E2F3: variants seen among roughly 807,000 people sequenced by gnomAD.
E2F3 encodes the protein transcription factor E2F3.
E2F3 carries 11 observed loss-of-function variants against 44.4 expected under a neutral mutation model. That is an observed-to-expected ratio of 0.25 (90% confidence interval 0.16 to 0.41). E2F3 has a LOEUF of 0.41. Ranked by LOEUF, E2F3 falls within the 10% of genes least tolerant of loss-of-function variation. E2F3 has a pLI of 1.00. For missense variants in E2F3, 487 were observed against 583.6 expected (o/e 0.83, Z 1.70); for synonymous variants, 249 against 253.0 (o/e 0.98, Z 0.15).
chr6:20,444,068 A>G (rs1760860078), intron 1 of E2F3, among the ~76,000 whole-genome samples: 2 of 152,264 alleles, frequency 1.3e-5, no homozygotes, highest in South Asian at 4.1e-4. Context: ...TTAGTCAGGC[A>G]TGGTGGTGTG....
chr6:20,462,859 CTTTTTTTTTTTTTTTTTTTTTT>C (rs780366667), intron 1 of E2F3, among the ~76,000 whole-genome samples: 3 of 48,810 alleles, frequency 6.1e-5, no homozygotes, highest in African/African-American at 2.4e-4. Context: ...CTCTCTCTCT[CTTTTTTTTTTTTTTTTTTTTTT>C]TTTTTTTTTT....
chr6:20,413,788 T>TA, intron 1 of E2F3, among the ~76,000 whole-genome samples: 1 of 152,214 alleles, frequency 6.6e-6, no homozygotes. Context: ...GCACACCATT[T>TA]AGAGTACGGG....
intron 1 of E2F3, among the ~76,000 whole-genome samples, chr6:20,479,227 A>G (rs1021538590): frequency 2.6e-5 from 4 of 152,182 alleles, no homozygotes; most frequent in African/African-American, 7.2e-5. Context: ...CGATCCAATC[A>G]CCCTTTCTCT....
chr6:20,453,601 G>A (rs546519157), intron 1 of E2F3, among the ~76,000 whole-genome samples: 9 of 152,120 alleles, frequency 5.9e-5, no homozygotes, highest in African/African-American at 7.2e-5. Context: ...TTGTGGAGAC[G>A]AGGTCTCGCT....
intron 1 of E2F3, among the ~76,000 whole-genome samples, chr6:20,463,118 T>C (rs11968701): frequency 0.02 from 2,983 of 152,118 alleles, 93 homozygotes; most frequent in African/African-American, 0.068. Flanking sequence ...GACCGGGTCT[T>C]GCTGTTGCCC....
intron 1 of E2F3, among the ~76,000 whole-genome samples, chr6:20,478,788 C>T (rs763317723): frequency 3.3e-5 from 5 of 152,036 alleles, no homozygotes; most frequent in Admixed American, 6.6e-5. Context: ...CCAGCCTGGG[C>T]GACAGAGCAA....
chr6:20,405,821 C>G (rs1463416543), intron 1 of E2F3, among the ~76,000 whole-genome samples: 1 of 151,924 alleles, frequency 6.6e-6, no homozygotes, highest in Non-Finnish European at 1.5e-5. Context: ...GATTCCGTCT[C>G]AAAAAAGGAG....
At chr6:20,403,741 C>T (rs1759391470) in intron 1 of E2F3, 7 of 1,462,724 alleles carry the variant, frequency 4.8e-6, no homozygotes, top group South Asian at 3.8e-5. Flanking sequence ...CCTGCGCCGC[C>T]GGTCTGTTCG....
intron 1 of E2F3, among the ~76,000 whole-genome samples, chr6:20,443,499 G>A (rs1184764488): frequency 1.3e-5 from 2 of 152,112 alleles, no homozygotes; most frequent in African/African-American, 4.8e-5. Flanking sequence ...CAGTGCTTTG[G>A]GAAGCTGAGG....
At position 20,402,393 on chromosome 6, in the gene E2F3, C is replaced by T; in HGVS notation, c.161C>T (p.Pro54Leu). ...FAAAAAAAAAPGAYIQILTTN... is the reference protein window; with the variant it reads ...FAAAAAAAAALGAYIQILTTN... ...GCCGCCGCCGCCGCTGCCGCCGCCC[C>T]GGGCGCGTACATCCAGATCCTCACC... is the stretch of plus-strand genomic sequence containing the variant. Residue 54 changes from proline to leucine, a missense_variant, in exon 1 of 7, where the codon CCG (proline) becomes CTG (leucine). Pro to Leu is a moderately conservative substitution (Grantham distance 98). Coordinates refer to ENST00000346618, the MANE Select transcript of E2F3 (RefSeq NM_001949.5). This position sits in a 1 kb window ranked among gnomAD's most constrained non-coding sequence, Gnocchi z 5.6. The T allele has an allele frequency of 6.2e-7, 1 of 1,610,724 alleles. No individual in the cohort carries two copies. The highest frequency in any genetic ancestry group is 1.1e-5 in the South Asian group (1 of 91,050).
In E2F3 at chr6:20,402,061, C is replaced by A. The variant is rs1002745213; in HGVS notation, c.-172C>A. 2.5e-6 allele frequency: 3 copies of A among 1,205,632 alleles called. No homozygotes were observed. The African/African-American group carries it at 4.9e-5, about 20-fold the overall frequency. 74.7% of individuals were successfully genotyped at this position (1,205,632 alleles called of 1,614,324 possible). A position where few individuals can be genotyped will look rare whatever the true frequency, so the allele number is the denominator to read the frequency against. ...CCAGAGCCCCGATTATTTTTGGCCC[C>A]CGGGGCCTGTGCGGTGCGGAAAAAT... On this transcript the variant is annotated 5_prime_UTR_variant, in exon 1 of 7. Transcript: ENST00000346618. The surrounding 1 kb of genome is among the most constrained non-coding windows in gnomAD (Gnocchi z 5.6).
At position 20,491,805 on chromosome 6, in the gene E2F3, C is replaced by CG. The variant is rs1395466372; in HGVS notation, c.*1379dup. On this transcript the variant is annotated 3_prime_UTR_variant, in exon 7 of 7. Coordinates refer to ENST00000346618, the MANE Select transcript of E2F3 (RefSeq NM_001949.5). ...AGGAATAAGTTGGACCAAGGGAAGTCGGGGACGTAAAAAATGAAGCAAAAC... is the reference window on the plus strand; with the variant it reads ...AGGAATAAGTTGGACCAAGGGAAGTCGGGGGACGTAAAAAATGAAGCAAAAC... The CG allele has an allele frequency of 5.6e-6, 1 of 179,816 alleles. No individual in the cohort carries two copies. The highest frequency in any genetic ancestry group is 1.2e-5 in the Non-Finnish European group (1 of 83,700). 11.1% of individuals were successfully genotyped at this position (179,816 alleles called of 1,614,324 possible).
At chr6:20,421,317 T>G (rs1760020552) in intron 1 of E2F3, among the ~76,000 whole-genome samples, 1 of 152,206 alleles carries the variant, frequency 6.6e-6, no homozygotes, top group Non-Finnish European at 1.5e-5. Context: ...TTCCAGAAAG[T>G]TTGTAATTTA....
chr6:20,443,451 T>C (rs9460505), intron 1 of E2F3, among the ~76,000 whole-genome samples: 14,878 of 152,210 alleles, frequency 0.098, 1,652 homozygotes, highest in African/African-American at 0.28. Flanking sequence ...ATAGAAATTA[T>C]TTGACAGGCC....
At chr6:20,442,171 T>C (rs929937851) in intron 1 of E2F3, among the ~76,000 whole-genome samples, 1 of 152,126 alleles carries the variant, frequency 6.6e-6, no homozygotes, top group Non-Finnish European at 1.5e-5. Context: ...CCAGCCTGTT[T>C]ATGAGGTGCT....
At position 20,488,143 on chromosome 6, in the gene E2F3, G is replaced by C. The variant is rs4134973; in HGVS notation, c.1030G>C (p.Gly344Arg). 12 of 1,613,988 alleles carry C rather than the reference G, an allele frequency of 7.4e-6. No individual in the cohort carries two copies. The African/African-American group carries it at 8.0e-5, about 11-fold the overall frequency. ...ACAAATACATTTGGCAAGTACCCAAGGGCCCATTGAGGTTTACTTATGTCC... is the reference window on the plus strand; with the variant it reads ...ACAAATACATTTGGCAAGTACCCAACGGCCCATTGAGGTTTACTTATGTCC... Reference protein sequence around the residue: ...SLQIHLASTQGPIEVYLCPEE... With the variant: ...SLQIHLASTQRPIEVYLCPEE... The change falls in exon 6 of 7, where the codon GGG becomes CGG. Residue 344 changes from glycine to arginine, a missense_variant. Coordinates refer to ENST00000346618, the MANE Select transcript of E2F3 (RefSeq NM_001949.5).
chr6:20,478,030 CA>C (rs34033254), intron 1 of E2F3, among the ~76,000 whole-genome samples: 15,375 of 142,208 alleles, frequency 0.11, 2,239 homozygotes, highest in African/African-American at 0.33. Context: ...CATCTCTACC[CA>C]AAAAAAAAAA....
intron 1 of E2F3, among the ~76,000 whole-genome samples, chr6:20,446,078 C>T (rs551150438): frequency 2.6e-4 from 40 of 152,310 alleles, no homozygotes; most frequent in Admixed American, 5.2e-4. Context: ...CAGAGAAAAC[C>T]CACGCGGATG....
At chr6:20,475,773 G>C (rs544203108) in intron 1 of E2F3, among the ~76,000 whole-genome samples, 1 of 152,134 alleles carries the variant, frequency 6.6e-6, no homozygotes, top group Non-Finnish European at 1.5e-5. Flanking sequence ...GATTACAGGC[G>C]TGAGCCATTG....
Sources: allele counts gnomAD v4.1 joint callset (sites outside exome capture counted in the v4.1 genomes callset), GRCh38; gene constraint gnomAD v4.1.1; non-coding constraint Gnocchi (gnomAD v3.1); transcripts MANE v1.5; gene names NCBI Gene and HGNC (gene_info 2026-07-23, HGNC 2026-07-21).